PRKCA: variants seen among roughly 807,000 people sequenced by gnomAD.
The protein encoded by PRKCA is protein kinase C alpha, also known as protein kinase C alpha type.
A neutral mutation model predicts 87.0 loss-of-function variants in PRKCA; 27 were observed. The ratio of observed to expected loss-of-function variants is 0.31; its 90% CI spans 0.23 to 0.43. The LOEUF (loss-of-function observed/expected upper bound fraction) is 0.43. PRKCA is among the 20% of genes least tolerant of loss of function. PRKCA has a pLI of 1.00. For missense variants in PRKCA, 518 were observed against 852.3 expected, an observed-to-expected ratio of 0.61 and a Z score of 4.88; for synonymous variants, 329 against 311.1, an observed-to-expected ratio of 1.06 and a Z score of -0.61.
chr17:66,554,942 C>T (rs560560222), intron 3 of PRKCA, among the ~76,000 whole-genome samples: 32 of 150,004 alleles, frequency 2.1e-4, no homozygotes, highest in Non-Finnish European at 3.1e-4. Context: ...AGCAGTGGCA[C>T]GATCTCAGCT....
intron 2 of PRKCA, among the ~76,000 whole-genome samples, chr17:66,314,933 A>G (rs1395454920): frequency 6.9e-5 from 10 of 144,226 alleles, no homozygotes; most frequent in Non-Finnish European, 1.2e-4. Flanking sequence ...GTGTATATAT[A>G]TGTGTGTGTG....
intron 14 of PRKCA, among the ~76,000 whole-genome samples, chr17:66,781,790 T>G (rs1212459677): frequency 6.6e-6 from 1 of 151,318 alleles, no homozygotes; most frequent in Non-Finnish European, 1.5e-5. Context: ...CGGAGAAACA[T>G]GAACGTACTT....
At position 66,513,362 on chromosome 17, in the gene PRKCA, G is replaced by A. The variant is rs551853968; in HGVS notation, c.288+17079G>A. 8.7e-4 allele frequency among the ~76,000 whole-genome samples: 133 copies of A among 152,182 alleles called. 2 individuals carry two copies. The South Asian group carries it at 0.016, about 18-fold the overall frequency. ...GAAGCCTGAGACCTGCCGTGTGATC[G>A]GACATCTTCCAAATAAAAGGTGTGT... On this transcript the variant is annotated intron_variant, in intron 3 of 16. Transcript: ENST00000413366.
At chr17:66,547,189 T>C (rs1173525929) in intron 3 of PRKCA, among the ~76,000 whole-genome samples, 1 of 152,240 alleles carries the variant, frequency 6.6e-6, no homozygotes, top group Admixed American at 6.5e-5. Context: ...CTCTGTACTT[T>C]GCTCACACTG....
At chr17:66,650,939 A>C (rs1971576275) in intron 5 of PRKCA, among the ~76,000 whole-genome samples, 1 of 152,114 alleles carries the variant, frequency 6.6e-6, no homozygotes, top group Non-Finnish European at 1.5e-5. Flanking sequence ...GGATGCTAAG[A>C]TGATTAAGAC....
Position 66,384,925 on chromosome 17 carries a change from T to G in PRKCA, c.205+78798T>G, listed in dbSNP as rs548863810. 5.3e-5 allele frequency among the ~76,000 whole-genome samples: 8 copies of G among 152,326 alleles called. No individual in the cohort carries two copies. In the East Asian group the frequency reaches 1.5e-3, roughly 29 times the overall value. ...GATTACAGGTGTGAGCCACTGCACC[T>G]GGCTGACTGTTTTAATTACTAGTAT... On this transcript the variant is annotated intron_variant, in intron 2 of 16. Transcript: ENST00000413366.
At chr17:66,503,802 A>G (rs1916855785) in intron 3 of PRKCA, among the ~76,000 whole-genome samples, 1 of 152,248 alleles carries the variant, frequency 6.6e-6, no homozygotes, top group African/African-American at 2.4e-5. Flanking sequence ...TAAAGCATTT[A>G]AAATAAACCT....
At chr17:66,615,123 A>G (rs1482887234) in intron 3 of PRKCA, among the ~76,000 whole-genome samples, 1 of 152,160 alleles carries the variant, frequency 6.6e-6, no homozygotes, top group Admixed American at 6.5e-5. Flanking sequence ...GCATGCTACC[A>G]ACATGTAAAA....
At chr17:66,781,576 C>T (rs2144359463) in intron 14 of PRKCA, among the ~76,000 whole-genome samples, 1 of 152,266 alleles carries the variant, frequency 6.6e-6, no homozygotes, top group Admixed American at 6.5e-5. Flanking sequence ...CAATAGTCTA[C>T]ATCTTGAAGT....
At chr17:66,499,413 C>T (rs989411725) in intron 3 of PRKCA, among the ~76,000 whole-genome samples, 4 of 152,106 alleles carry the variant, frequency 2.6e-5, no homozygotes, top group Admixed American at 6.5e-5. Context: ...GAATTCTCTA[C>T]GTTGCTGAAA....
At chr17:66,485,753 T>C (rs371082818) in intron 2 of PRKCA, among the ~76,000 whole-genome samples, 1 of 152,076 alleles carries the variant, frequency 6.6e-6, no homozygotes, top group African/African-American at 2.4e-5. Flanking sequence ...GAGGAGGCCT[T>C]GGACTGAAGG....
At chr17:66,712,784 C>G (rs1973364817) in intron 8 of PRKCA, among the ~76,000 whole-genome samples, 1 of 152,160 alleles carries the variant, frequency 6.6e-6, no homozygotes, top group Non-Finnish European at 1.5e-5. Context: ...GCTCATCTCT[C>G]TTGCCTCAGT....
At chr17:66,469,007 G>GA (rs1915209904) in intron 2 of PRKCA, among the ~76,000 whole-genome samples, 3 of 152,174 alleles carry the variant, frequency 2.0e-5, no homozygotes, top group Admixed American at 1.3e-4. Context: ...AGAAGGCCAT[G>GA]GACTCTGAGA....
intron 2 of PRKCA, among the ~76,000 whole-genome samples, chr17:66,343,807 A>G (rs924811965): frequency 2.0e-5 from 3 of 152,194 alleles, no homozygotes; most frequent in African/African-American, 4.8e-5. Context: ...ATAAGGCATG[A>G]TGGAAGAGGA....
intron 13 of PRKCA, among the ~76,000 whole-genome samples, chr17:66,762,213 C>G (rs1276792462): frequency 6.6e-6 from 1 of 152,212 alleles, no homozygotes; most frequent in South Asian, 2.1e-4. Context: ...TCCTCTGTCC[C>G]CCTCTGAGCC....
chr17:66,469,486 A>G (rs73996228), intron 2 of PRKCA, among the ~76,000 whole-genome samples: 9,707 of 152,300 alleles, frequency 0.064, 1,030 homozygotes, highest in African/African-American at 0.22. Flanking sequence ...TTTGGTGAAA[A>G]TGGTCTTAAT....
intron 2 of PRKCA, among the ~76,000 whole-genome samples, chr17:66,482,435 G>A (rs1196410442): frequency 6.6e-6 from 1 of 152,112 alleles, no homozygotes; most frequent in Non-Finnish European, 1.5e-5. Context: ...CCTTCCAGTG[G>A]ATTCTTTCTG....
intron 8 of PRKCA, among the ~76,000 whole-genome samples, chr17:66,728,237 G>A (rs1442906933): frequency 6.6e-6 from 1 of 152,192 alleles, no homozygotes; most frequent in East Asian, 1.9e-4. Flanking sequence ...CTCAGGGCTG[G>A]CTTGGGCTGG....
chr17:66,564,005 C>CCTT (rs1362163423), intron 3 of PRKCA, among the ~76,000 whole-genome samples: 13 of 97,508 alleles, frequency 1.3e-4, no homozygotes, highest in Non-Finnish European at 2.5e-4. Flanking sequence ...CTTCCTTCCT[C>CCTT]CTTTCTTTCT....
Sources: allele counts gnomAD v4.1 joint callset (sites outside exome capture counted in the v4.1 genomes callset), GRCh38; gene constraint gnomAD v4.1.1; transcripts MANE v1.5; gene names NCBI Gene and HGNC (gene_info 2026-07-23, HGNC 2026-07-21).